Variants in GCLC observed in about 807,000 individuals in gnomAD.
The protein encoded by GCLC is glutamate-cysteine ligase catalytic subunit.
GCLC carries 30 observed loss-of-function variants against 81.5 expected under a neutral mutation model. The observed-to-expected ratio is 0.37, with a 90% CI of 0.28 to 0.50. GCLC has a LOEUF of 0.50. Among genes scored for constraint, GCLC ranks in the 20% least tolerant of loss-of-function variants. GCLC has a pLI of 0.96. For synonymous variants in GCLC, 262 were observed against 273.3 expected, an observed-to-expected ratio of 0.96 and a Z score of 0.41; for missense variants, 556 against 777.4, an observed-to-expected ratio of 0.72 and a Z score of 3.39.
intron 1 of GCLC, among the ~76,000 whole-genome samples, chr6:53,536,524 C>T (rs1763260089): frequency 6.6e-6 from 1 of 152,136 alleles, no homozygotes; most frequent in Non-Finnish European, 1.5e-5. Flanking sequence ...AAACAGAGTA[C>T]TAATTAGCAA....
In GCLC at chr6:53,497,488, T is replaced by C. The variant is rs892608211; in HGVS notation, c.*1268A>G. On this transcript the variant is annotated 3_prime_UTR_variant, in exon 16 of 16. Coordinates refer to ENST00000650454, the MANE Select transcript of GCLC (RefSeq NM_001498.4). ...TCATCCAAAATGCATGTATAAAATA[T>C]AGAACAAACCCTAGTATTTAAACAT... 6.6e-6 allele frequency: 1 copy of C among 152,214 alleles called. No individual in the cohort carries two copies. The highest frequency in any genetic ancestry group is 2.4e-5 in the African/African-American group (1 of 41,442). 9.4% of individuals were successfully genotyped at this position (152,214 alleles called of 1,614,324 possible).
intron 14 of GCLC, 36 bp downstream of exon 14, chr6:53,500,211 C>T: frequency 6.2e-7 from 1 of 1,612,024 alleles, no homozygotes. Flanking sequence ...GGGGGATGTG[C>T]ACAGTGAGGG....
At chr6:53,508,504 G>T in intron 8 of GCLC, 91 bp downstream of exon 8, 1 of 818,974 alleles carries the variant, frequency 1.2e-6, no homozygotes, top group Non-Finnish European at 2.2e-6. Flanking sequence ...GATAAAAATT[G>T]CAGGGAGACA....
chr6:53,508,031 G>A (rs1764650221), intron 8 of GCLC, among the ~76,000 whole-genome samples: 1 of 152,128 alleles, frequency 6.6e-6, no homozygotes, highest in Admixed American at 6.5e-5. Context: ...TATAGCCCTG[G>A]TTGAGAATAT....
intron 15 of GCLC, 117 bp from the exon 16 acceptor site, chr6:53,499,084 T>TAAA: frequency 1.4e-6 from 1 of 730,306 alleles, no homozygotes; most frequent in South Asian, 1.5e-5. Flanking sequence ...TATGTCCTTT[T>TAAA]AGTGTAGCTG....
intron 1 of GCLC, among the ~76,000 whole-genome samples, chr6:53,531,295 T>C (rs984038216): frequency 3.3e-5 from 5 of 152,152 alleles, no homozygotes; most frequent in Non-Finnish European, 5.9e-5. Context: ...TAGGGTAGAA[T>C]AGAAATATCA....
intron 6 of GCLC, chr6:53,513,965 T>C (rs1450370654): frequency 3.9e-6 from 2 of 507,642 alleles, no homozygotes; most frequent in Admixed American, 3.5e-5. Flanking sequence ...ATTACAGTTA[T>C]AAAGGTATAT....
intron 6 of GCLC, chr6:53,513,821 C>G: frequency 4.3e-6 from 1 of 230,070 alleles, no homozygotes; most frequent in South Asian, 6.3e-5. Context: ...ATACTTCCAT[C>G]AGAGCTCATT....
At chr6:53,540,327 AAG>A (rs1220798685) in intron 1 of GCLC, among the ~76,000 whole-genome samples, 19 of 150,152 alleles carry the variant, frequency 1.3e-4, no homozygotes, top group African/African-American at 3.2e-4. Context: ...AGCCTCAAAA[AAG>A]AAAAAAAAAA....
chr6:53,516,334 T>C (rs1764871358), intron 3 of GCLC, 112 bp from the exon 4 acceptor site: 1 of 734,128 alleles, frequency 1.4e-6, no homozygotes, highest in Non-Finnish European at 2.5e-6. Flanking sequence ...TATCCCCTTT[T>C]CAGAGGGCTT....
chr6:53,503,833 G>T lies in GCLC; in HGVS notation c.1395+1559C>A, dbSNP rs183262566. 4.5e-3 allele frequency among the ~76,000 whole-genome samples: 683 copies of T among 152,194 alleles called. 6 individuals are homozygous for T. The highest frequency in any genetic ancestry group is 0.015 in the African/African-American group (637 of 41,518). ...TTTTCCAGAGCTTTCCATGCTTCAGGATTTCCATAATTTCCATTTCTTCAC... is the reference window on the plus strand; with the variant it reads ...TTTTCCAGAGCTTTCCATGCTTCAGTATTTCCATAATTTCCATTTCTTCAC... On this transcript the variant is annotated intron_variant, in intron 12 of 15. Transcript: ENST00000650454.
chr6:53,542,384 G>A (rs1230379212), intron 1 of GCLC, among the ~76,000 whole-genome samples: 1 of 152,140 alleles, frequency 6.6e-6, no homozygotes, highest in Non-Finnish European at 1.5e-5. Flanking sequence ...TTAAAGCAGA[G>A]ACACGTACTT....
intron 3 of GCLC, among the ~76,000 whole-genome samples, chr6:53,517,265 T>G (rs1178809750): frequency 7.6e-6 from 1 of 131,510 alleles, no homozygotes; most frequent in Non-Finnish European, 1.6e-5. Flanking sequence ...TTTTTTTTTT[T>G]TTTTTTTTTT....
At chr6:53,522,303 A>C (rs1581741047) in intron 2 of GCLC, 112 bp downstream of exon 2, 1 of 735,544 alleles carries the variant, frequency 1.4e-6, no homozygotes, top group East Asian at 2.6e-5. Context: ...CTGAAACCAG[A>C]GCCTGTACTC....
At chr6:53,537,085 T>TG (rs1581749772) in intron 1 of GCLC, among the ~76,000 whole-genome samples, 1 of 152,250 alleles carries the variant, frequency 6.6e-6, no homozygotes, top group East Asian at 1.9e-4. Context: ...TTTCCTCCTT[T>TG]GTTACACTGT....
chr6:53,524,356 T>C lies in GCLC; in HGVS notation c.151-1829A>G, dbSNP rs547431967. Reference sequence around the variant, plus strand: ...GGGTGCCAATCTTGGTAAGTGAAGATAAGCTTTTTATAAAATTGTTATAAC... The same window carrying C: ...GGGTGCCAATCTTGGTAAGTGAAGACAAGCTTTTTATAAAATTGTTATAAC... On this transcript the variant is annotated intron_variant, in intron 1 of 15. Transcript: ENST00000650454. Among the ~76,000 whole-genome samples the C allele has an allele frequency of 2.2e-4, 34 of 152,322 alleles. No homozygotes were observed. The South Asian group carries it at 6.8e-3, about 31-fold the overall frequency.
intron 1 of GCLC, among the ~76,000 whole-genome samples, chr6:53,526,532 C>T (rs997168137): frequency 6.6e-6 from 1 of 152,066 alleles, no homozygotes; most frequent in Admixed American, 6.5e-5. Context: ...GGCACGGTGG[C>T]TCATGCCTGT....
chr6:53,520,553 C>T (rs1762973927), intron 3 of GCLC, among the ~76,000 whole-genome samples: 1 of 152,328 alleles, frequency 6.6e-6, no homozygotes, highest in East Asian at 1.9e-4. Flanking sequence ...CACTGAGCCC[C>T]CACTGAGTGC....
At chr6:53,522,711 G>T in intron 1 of GCLC, 184 bp from the exon 2 acceptor site, 1 of 539,760 alleles carries the variant, frequency 1.9e-6, no homozygotes, top group Non-Finnish European at 3.4e-6. Context: ...CTGTAGAAAG[G>T]ATCAGTCAGT....
Sources: allele counts gnomAD v4.1 joint callset (sites outside exome capture counted in the v4.1 genomes callset), GRCh38; gene constraint gnomAD v4.1.1; transcripts MANE v1.5; gene names NCBI Gene and HGNC (gene_info 2026-07-23, HGNC 2026-07-21).